The following SNTG1 variants were observed in gnomAD, a reference collection of about 807,000 sequenced individuals.
SNTG1 encodes syntrophin gamma 1.
Under a neutral mutation model 74.7 loss-of-function variants are expected in SNTG1, and 39 were observed. The ratio of observed to expected loss-of-function variants is 0.52; its 90% CI spans 0.40 to 0.68. SNTG1 has a LOEUF of 0.68. SNTG1 is among the 30% of genes least tolerant of loss of function. The probability of loss-of-function intolerance (pLI) is 0.00; values close to 1 mark genes in which losing one functional copy is unlikely to be tolerated. For missense variants in SNTG1, 685 were observed against 609.5 expected (o/e 1.12, Z -1.30); for synonymous variants, 254 against 217.1 (o/e 1.17, Z -1.49).
intron 2 of SNTG1, among the ~76,000 whole-genome samples, chr8:50,320,203 G>T (rs1376135341): frequency 3.3e-5 from 5 of 152,104 alleles, no homozygotes; most frequent in Non-Finnish European, 7.4e-5. Context: ...TTATTGGTCT[G>T]TTCAGGGATT....
intron 11 of SNTG1, among the ~76,000 whole-genome samples, chr8:50,544,725 G>A (rs2094373874): frequency 6.6e-6 from 1 of 151,966 alleles, no homozygotes; most frequent in South Asian, 2.1e-4. Context: ...GCACTATTCA[G>A]AATGGATTTC....
At chr8:49,977,977 A>G (rs547920919) in intron 1 of SNTG1, among the ~76,000 whole-genome samples, 1 of 152,330 alleles carries the variant, frequency 6.6e-6, no homozygotes, top group South Asian at 2.1e-4. Flanking sequence ...TCATATCTTC[A>G]TAAGGGGAAA....
chr8:50,326,672 GA>G (rs2090763168), intron 2 of SNTG1, among the ~76,000 whole-genome samples: 1 of 144,816 alleles, frequency 6.9e-6, no homozygotes, highest in Middle Eastern at 3.4e-3. Flanking sequence ...TTTCTCTATT[GA>G]TTTTTTTTTT....
chr8:50,086,460 G>A (rs920306330), intron 1 of SNTG1, among the ~76,000 whole-genome samples: 1 of 152,162 alleles, frequency 6.6e-6, no homozygotes, highest in Non-Finnish European at 1.5e-5. Flanking sequence ...TCAATATGAT[G>A]TAATAATCAA....
At chr8:50,339,902 G>A (rs908517003) in intron 2 of SNTG1, among the ~76,000 whole-genome samples, 1 of 151,586 alleles carries the variant, frequency 6.6e-6, no homozygotes, top group East Asian at 1.9e-4. Context: ...AAATAAACAA[G>A]AGTAAACTAT....
intron 18 of SNTG1, among the ~76,000 whole-genome samples, chr8:50,766,029 C>G (rs1288693544): frequency 6.6e-6 from 1 of 151,910 alleles, no homozygotes; most frequent in East Asian, 2.0e-4. Context: ...TATAAAATAC[C>G]TGTAAACTGC....
intron 4 of SNTG1, among the ~76,000 whole-genome samples, chr8:50,406,707 T>A (rs2092880367): frequency 6.6e-6 from 1 of 152,204 alleles, no homozygotes; most frequent in South Asian, 2.1e-4. Flanking sequence ...TGTCTACTAT[T>A]CCTAGGTGGC....
chr8:50,271,183 T>C (rs1400881163), intron 2 of SNTG1, among the ~76,000 whole-genome samples: 1 of 152,186 alleles, frequency 6.6e-6, no homozygotes, highest in African/African-American at 2.4e-5. Context: ...GAAAGTGTTA[T>C]TAAAAATATG....
chr8:50,142,122 T>C (rs1000542318), intron 1 of SNTG1, among the ~76,000 whole-genome samples: 3 of 152,170 alleles, frequency 2.0e-5, no homozygotes, highest in Non-Finnish European at 2.9e-5. Context: ...TTGTTTCTTA[T>C]GGCTTCATGA....
rs933250253 is a variant in SNTG1 at position 50,152,043 on chromosome 8, C to T, written c.-102-20518C>T. Among the ~76,000 whole-genome samples the T allele has an allele frequency of 4.9e-4, 74 of 152,258 alleles. 1 individual carries two copies. The highest frequency in any genetic ancestry group is 3.4e-3 in the Middle Eastern group (1 of 294). Reference sequence around the variant, plus strand: ...TCTCCCATTATTATTGTGTGGGAGTCTAAGTCTCTTTGTAGGTCTCTAAGG... The same window carrying T: ...TCTCCCATTATTATTGTGTGGGAGTTTAAGTCTCTTTGTAGGTCTCTAAGG... On this transcript the variant is annotated intron_variant, in intron 1 of 18. Transcript: ENST00000642720.
rs542348466 is a variant in SNTG1 at position 50,181,451 on chromosome 8, G to A, written c.-28+8816G>A. ...AACCATTTGGTTAGCACGTGCATCA[G>A]TCCTACCTCCATGAATAGGTGGGGA... On this transcript the variant is annotated intron_variant, in intron 2 of 18. Coordinates refer to ENST00000642720, the MANE Select transcript of SNTG1 (RefSeq NM_018967.5). 5.3e-5 allele frequency among the ~76,000 whole-genome samples: 8 copies of A among 152,296 alleles called. No individual in the cohort carries two copies. The East Asian group carries it at 1.5e-3, about 29-fold the overall frequency.
chr8:50,612,098 G>A (rs2094854705), intron 13 of SNTG1, among the ~76,000 whole-genome samples: 1 of 152,140 alleles, frequency 6.6e-6, no homozygotes, highest in African/African-American at 2.4e-5. Context: ...AAAATCTGAA[G>A]CACATGTGAG....
At chr8:50,475,786 C>T (rs1475086779) in intron 8 of SNTG1, among the ~76,000 whole-genome samples, 1 of 151,896 alleles carries the variant, frequency 6.6e-6, no homozygotes. Context: ...GAAAATGTGA[C>T]AACATAATAT....
intron 17 of SNTG1, among the ~76,000 whole-genome samples, chr8:50,732,475 G>T (rs148826222): frequency 1.8e-4 from 28 of 151,694 alleles, no homozygotes; most frequent in African/African-American, 5.8e-4. Flanking sequence ...GCATTTTTCC[G>T]TATATCTACA....
chr8:50,476,123 G>A (rs1382824014), intron 8 of SNTG1, among the ~76,000 whole-genome samples: 3 of 152,098 alleles, frequency 2.0e-5, no homozygotes, highest in African/African-American at 7.2e-5. Flanking sequence ...TAGTATCTCA[G>A]TGCTGTTTTC....
At chr8:50,259,649 C>T (rs751739230) in intron 2 of SNTG1, among the ~76,000 whole-genome samples, 27 of 151,536 alleles carry the variant, frequency 1.8e-4, no homozygotes, top group Non-Finnish European at 3.2e-4. Context: ...CTTAAAAGAA[C>T]GACTAAAGAT....
chr8:50,285,457 A>C (rs2088715284), intron 2 of SNTG1, among the ~76,000 whole-genome samples: 1 of 152,216 alleles, frequency 6.6e-6, no homozygotes, highest in South Asian at 2.1e-4. Context: ...AGAAATAAAA[A>C]GGAAAAATTA....
At chr8:50,373,790 T>C (rs530851271) in intron 2 of SNTG1, among the ~76,000 whole-genome samples, 1 of 152,308 alleles carries the variant, frequency 6.6e-6, no homozygotes, top group Admixed American at 6.5e-5. Flanking sequence ...ATGGTGACAA[T>C]AACTGTGAAG....
Position 50,531,785 on chromosome 8 carries a change from A to G in SNTG1, c.549+1526A>G, listed in dbSNP as rs2094270412. ...TCTCACCTCTGCTCCTAAGACAGAA[A>G]CAAGAGCAACTTACTTCAGAATGGG... On this transcript the variant is annotated intron_variant, in intron 10 of 18. Transcript: ENST00000642720. Among the ~76,000 whole-genome samples, 3 of 152,176 alleles carry G rather than the reference A, an allele frequency of 2.0e-5. No homozygotes were observed. The South Asian group carries it at 6.2e-4, about 32-fold the overall frequency.
Sources: allele counts gnomAD v4.1 joint callset (sites outside exome capture counted in the v4.1 genomes callset), GRCh38; gene constraint gnomAD v4.1.1; transcripts MANE v1.5; gene names NCBI Gene and HGNC (gene_info 2026-07-23, HGNC 2026-07-21).